DEF6: variants seen among roughly 807,000 people sequenced by gnomAD.
DEF6 encodes DEF6 guanine nucleotide exchange factor.
DEF6 carries 32 observed loss-of-function variants against 80.5 expected under a neutral mutation model. That is an observed-to-expected ratio of 0.40 (90% confidence interval 0.30 to 0.53). The LOEUF is 0.53. Ranked by LOEUF, DEF6 falls within the 20% of genes least tolerant of loss-of-function variation. The probability of loss-of-function intolerance (pLI) is 0.57; values close to 1 mark genes in which losing one functional copy is unlikely to be tolerated. For synonymous variants in DEF6, 300 were observed against 337.9 expected (o/e 0.89, Z 1.23); for missense variants, 575 against 818.7 (o/e 0.70, Z 3.63).
chr6:35,316,029 T>TC, intron 5 of DEF6: 1 of 168,328 alleles, frequency 5.9e-6, no homozygotes, highest in Non-Finnish European at 1.3e-5. Context: ...CTGGCTAATT[T>TC]TTTTTTTTTT....
intron 1 of DEF6, 49 bp from the exon 2 acceptor site, chr6:35,309,621 G>T (rs755589235): frequency 6.3e-7 from 1 of 1,597,980 alleles, no homozygotes; most frequent in South Asian, 1.1e-5. Context: ...CTCTGGCCCA[G>T]TTTTGGTTGG....
At chr6:35,299,496 C>T (rs1791284488) in intron 1 of DEF6, among the ~76,000 whole-genome samples, 1 of 152,192 alleles carries the variant, frequency 6.6e-6, no homozygotes, top group Non-Finnish European at 1.5e-5. Flanking sequence ...AGTGGCTCCC[C>T]TTTTCCTGGT....
Position 35,319,468 on chromosome 6 carries a change from G to A in DEF6, c.1216-56G>A, listed in dbSNP as rs1330533138. On this transcript the variant is annotated intron_variant, in intron 7 of 10. Transcript: ENST00000316637. This position sits in a 1 kb window ranked among gnomAD's most constrained non-coding sequence, Gnocchi z 4.5. ...CAACATGCCCACCCCCTCCTCCTCCGCCCCCACGTGCCCCTTTTGACCTGG... is the reference window on the plus strand; with the variant it reads ...CAACATGCCCACCCCCTCCTCCTCCACCCCCACGTGCCCCTTTTGACCTGG... 1.3e-6 allele frequency: 1 copy of A among 745,366 alleles called. No individual in the cohort carries two copies. Among genetic ancestry groups the A allele is most frequent in the Non-Finnish European group, 1.9e-6 (1 of 520,844 alleles). The allele number at this position is 745,366 out of a possible 1,614,324, so 46.2% of individuals were successfully genotyped here. A position where few individuals can be genotyped will look rare whatever the true frequency, so the allele number is the denominator to read the frequency against.
rs766184039 is a variant in DEF6, at chr6:35,318,026, C to G, written c.916+27C>G. ...TGAGTGCTCGCTAGGTGGCTTGGGTCTGGGTGGTCCTTAGGCGCCTCATCT... is the reference window on the plus strand; with the variant it reads ...TGAGTGCTCGCTAGGTGGCTTGGGTGTGGGTGGTCCTTAGGCGCCTCATCT... On this transcript the variant is annotated intron_variant, in intron 6 of 10. Coordinates refer to ENST00000316637, the MANE Select transcript of DEF6 (RefSeq NM_022047.4). This position sits in a 1 kb window ranked among gnomAD's most constrained non-coding sequence, Gnocchi z 5.1. 6.3e-7 allele frequency: 1 copy of G among 1,599,180 alleles called. No homozygotes were observed. Among genetic ancestry groups the G allele is most frequent in the Non-Finnish European group, 8.5e-7 (1 of 1,172,416 alleles).
intron 1 of DEF6, 141 bp downstream of exon 1, chr6:35,298,093 C>A: frequency 1.3e-6 from 1 of 746,566 alleles, no homozygotes; most frequent in Non-Finnish European, 2.2e-6. Flanking sequence ...GGGGGCTGGT[C>A]CTGGGTAACT....
intron 2 of DEF6, among the ~76,000 whole-genome samples, chr6:35,310,107 T>C (rs1004539528): frequency 2.0e-5 from 3 of 152,060 alleles, no homozygotes; most frequent in African/African-American, 7.2e-5. Context: ...TTCTCCACCC[T>C]TCCCAGACTG....
chr6:35,313,745 C>A (rs926896744), intron 5 of DEF6, among the ~76,000 whole-genome samples: 1 of 152,166 alleles, frequency 6.6e-6, no homozygotes, highest in African/African-American at 2.4e-5. Flanking sequence ...AACAAAATGA[C>A]CTATGGTGCC....
chr6:35,306,789 A>G (rs988312705), intron 1 of DEF6, among the ~76,000 whole-genome samples: 2 of 152,280 alleles, frequency 1.3e-5, no homozygotes, highest in African/African-American at 4.8e-5. Flanking sequence ...TATAAACATA[A>G]CAAAGATCAC....
chr6:35,316,061 A>T, intron 5 of DEF6: 1 of 163,098 alleles, frequency 6.1e-6, no homozygotes, highest in African/African-American at 2.5e-5. Context: ...TAGAGACAGC[A>T]TTTCACCGTG....
chr6:35,307,952 A>C (rs9296145), intron 1 of DEF6, among the ~76,000 whole-genome samples: 6,228 of 152,254 alleles, frequency 0.041, 447 homozygotes, highest in African/African-American at 0.14. Context: ...GAAGCCCTTC[A>C]ATATAGCATG....
chr6:35,317,737 A>T, intron 5 of DEF6, 154 bp from the exon 6 acceptor site: 1 of 592,494 alleles, frequency 1.7e-6, no homozygotes, highest in Non-Finnish European at 2.9e-6. Context: ...AGTCCCCCAT[A>T]ACTTATGATG....
intron 3 of DEF6, among the ~76,000 whole-genome samples, chr6:35,311,575 T>C (rs1582231282): frequency 6.6e-6 from 1 of 152,220 alleles, no homozygotes. Context: ...CACATACACT[T>C]GGCTGGCTGC....
chr6:35,312,840 AG>A lies in DEF6; in HGVS notation c.807+73del. ...GTGTCCTCAGGGGCATGAGAAGACA[AG>A]GGGGTCAGGAGAGGGGCAAATGGAG... On this transcript the variant is annotated intron_variant, in intron 5 of 10. Transcript: ENST00000316637. This position sits in a 1 kb window ranked among gnomAD's most constrained non-coding sequence, Gnocchi z 6.6. 3 of 1,314,614 alleles carry A rather than the reference AG, an allele frequency of 2.3e-6. No individual in the cohort carries two copies. Among genetic ancestry groups the A allele is most frequent in the Non-Finnish European group, 3.2e-6 (3 of 944,442 alleles). 81.4% of individuals were successfully genotyped at this position (1,314,614 alleles called of 1,614,324 possible).
At chr6:35,305,667 A>G (rs1791379649) in intron 1 of DEF6, among the ~76,000 whole-genome samples, 2 of 151,596 alleles carry the variant, frequency 1.3e-5, no homozygotes, top group Admixed American at 1.3e-4. Flanking sequence ...GCCACCTCCC[A>G]GGTTCAAGCA....
At chr6:35,314,177 G>A (rs1791499466) in intron 5 of DEF6, among the ~76,000 whole-genome samples, 1 of 152,154 alleles carries the variant, frequency 6.6e-6, no homozygotes. Flanking sequence ...GGAGGCCGAG[G>A]CTGGTGGATC....
intron 5 of DEF6, among the ~76,000 whole-genome samples, chr6:35,313,977 T>C (rs566888245): frequency 1.8e-4 from 28 of 152,330 alleles, no homozygotes; most frequent in African/African-American, 6.5e-4. Flanking sequence ...AACTTCTAGA[T>C]CATATGATAG....
At chr6:35,314,145 T>C (rs1791498889) in intron 5 of DEF6, among the ~76,000 whole-genome samples, 1 of 152,184 alleles carries the variant, frequency 6.6e-6, no homozygotes, top group South Asian at 2.1e-4. Context: ...CAGTGGCTCA[T>C]GCCTGTAATC....
rs755774531 is a variant in DEF6, at chr6:35,319,942, C to A, written c.1506C>A (p.Ser502Arg). The change falls in exon 9 of 11, where the codon AGC becomes AGA. Residue 502 changes from serine to arginine, a missense_variant. Physicochemically the swap from Ser to Arg is moderately radical, Grantham distance 110. Coordinates refer to ENST00000316637, the MANE Select transcript of DEF6 (RefSeq NM_022047.4). The surrounding 1 kb of genome is among the most constrained non-coding windows in gnomAD (Gnocchi z 4.5). ...TGCAGCAGGAGATGGCACAGCAGAG[C>A]CGCTCCCTGCAGCAGGCCCAGCAGC... is the stretch of plus-strand genomic sequence containing the variant. ...EELQQEMAQQ[S>R]RSLQQAQQQL... 1 of 1,567,340 alleles carries A rather than the reference C, an allele frequency of 6.4e-7. No individual in the cohort carries two copies. The highest frequency in any genetic ancestry group is 2.3e-5 in the East Asian group (1 of 42,858).
chr6:35,312,247 T>C lies in DEF6; in HGVS notation c.424-55T>C. On this transcript the variant is annotated intron_variant, in intron 3 of 10. Transcript: ENST00000316637. This position sits in a 1 kb window ranked among gnomAD's most constrained non-coding sequence, Gnocchi z 6.6. The stretch of plus-strand genomic sequence containing the variant: ...AGCCAGATAGAGCACTCCCTGGTGT[T>C]GGTGCTGGCAACACCACCTGCTGCA... 1.3e-6 allele frequency: 2 copies of C among 1,499,664 alleles called. No individual in the cohort carries two copies. 92.9% of individuals were successfully genotyped at this position (1,499,664 alleles called of 1,614,324 possible). A position where few individuals can be genotyped will look rare whatever the true frequency, so the allele number is the denominator to read the frequency against.
Sources: allele counts gnomAD v4.1 joint callset (sites outside exome capture counted in the v4.1 genomes callset), GRCh38; gene constraint gnomAD v4.1.1; non-coding constraint Gnocchi (gnomAD v3.1); transcripts MANE v1.5; gene names NCBI Gene and HGNC (gene_info 2026-07-23, HGNC 2026-07-21).